Variants in ARVCF observed in about 807,000 individuals in gnomAD.
ARVCF encodes the protein splicing regulator ARVCF.
ARVCF carries 66 observed loss-of-function variants against 90.9 expected under a neutral mutation model. The ratio of observed to expected loss-of-function variants is 0.73; its 90% CI spans 0.60 to 0.89. The LOEUF (loss-of-function observed/expected upper bound fraction) is 0.89, where lower values mean the gene tolerates loss of function less well. Among genes scored for constraint, ARVCF ranks in the 40% least tolerant of loss-of-function variants. ARVCF has a pLI of 0.00. For synonymous variants in ARVCF, 653 were observed against 603.4 expected (o/e 1.08, Z -1.21); for missense variants, 1,469 against 1,382.3 (o/e 1.06, Z -1.00).
chr22:20,012,427 G>T (rs1944869873), intron 1 of ARVCF, among the ~76,000 whole-genome samples: 1 of 152,206 alleles, frequency 6.6e-6, no homozygotes, highest in Admixed American at 6.5e-5. Flanking sequence ...ACGGACAGAG[G>T]GACGACAGAC....
At position 19,973,052 on chromosome 22, in the gene ARVCF, C is replaced by A. The variant is rs371324320; in HGVS notation, c.2439-16G>T. The A allele has an allele frequency of 1.2e-6, 2 of 1,609,206 alleles. No individual in the cohort carries two copies. The highest frequency in any genetic ancestry group is 2.7e-5 in the African/African-American group (2 of 74,670). On this transcript the variant is annotated splice_polypyrimidine_tract_variant and intron_variant, in intron 14 of 19. Transcript: ENST00000263207. ...TACCGATTGGCTGTGGGGCCGGGGG[C>A]GGGGTCAGTGGTGGCCCCTCCCCCA...
chr22:19,973,909 C>T (rs1357854673), intron 12 of ARVCF, 116 bp from the exon 13 acceptor site: 7 of 1,495,928 alleles, frequency 4.7e-6, no homozygotes, highest in East Asian at 2.3e-5. Context: ...CAAAGCCCTA[C>T]CCCAAAAGCT....
rs1175411187 is a variant in ARVCF at position 19,981,077 on chromosome 22, G to GAGCCA, written c.896+129_896+133dup. 5 of 1,221,186 alleles carry GAGCCA rather than the reference G, an allele frequency of 4.1e-6. No homozygotes were observed. In the African/African-American group the frequency reaches 7.7e-5, roughly 19 times the overall value. The allele number at this position is 1,221,186 out of a possible 1,614,324, so 75.6% of individuals were successfully genotyped here. The stretch of plus-strand genomic sequence containing the variant: ...TCCACCTTTCTTCTGTCCCTGACGA[G>GAGCCA]AGCCAAGGCCAATTCAAACTAACAT... On this transcript the variant is annotated intron_variant, in intron 5 of 19. Transcript: ENST00000263207.
Position 19,971,208 on chromosome 22 carries a change from G to A in ARVCF, c.*12+8C>T. 6.4e-7 allele frequency: 1 copy of A among 1,551,978 alleles called. No homozygotes were observed. The highest frequency in any genetic ancestry group is 2.4e-5 in the East Asian group (1 of 40,988). On this transcript the variant is annotated splice_region_variant and intron_variant, in intron 19 of 19. Transcript: ENST00000263207. ...CAGGTGGACGAACAACCAGATGAGA[G>A]AACGTACCAGGCATGCAAGCTAGAC...
At chr22:19,980,426 A>T in intron 5 of ARVCF, 184 bp from the exon 6 acceptor site, 1 of 912,504 alleles carries the variant, frequency 1.1e-6, no homozygotes, top group South Asian at 3.2e-5. Flanking sequence ...AGTGAGAACC[A>T]ATTCAGAGCC....
chr22:19,998,576 G>A (rs943977550), intron 2 of ARVCF, among the ~76,000 whole-genome samples: 2 of 152,188 alleles, frequency 1.3e-5, no homozygotes, highest in African/African-American at 2.4e-5. Flanking sequence ...GCTGGGCAGA[G>A]ACAGCACCGA....
At chr22:19,975,407 CCTCTTA>C (rs1342882035) in intron 11 of ARVCF, among the ~76,000 whole-genome samples, 2 of 152,230 alleles carry the variant, frequency 1.3e-5, no homozygotes, top group African/African-American at 2.4e-5. Flanking sequence ...AACCTTCCCA[CCTCTTA>C]CGCACCGTGA....
chr22:19,996,506 T>C (rs1238648575), intron 2 of ARVCF, among the ~76,000 whole-genome samples: 1 of 152,220 alleles, frequency 6.6e-6, no homozygotes, highest in Non-Finnish European at 1.5e-5. Flanking sequence ...TTCTGTGCTT[T>C]TGTAATTTTC....
At chr22:20,000,566 G>A (rs1449350401) in intron 2 of ARVCF, among the ~76,000 whole-genome samples, 2 of 152,196 alleles carry the variant, frequency 1.3e-5, no homozygotes, top group Non-Finnish European at 2.9e-5. Context: ...CTACAAAGAG[G>A]TGGGAGAAGT....
intron 13 of ARVCF, 130 bp downstream of exon 13, chr22:19,973,513 G>C: frequency 6.9e-7 from 1 of 1,446,170 alleles, no homozygotes; most frequent in Non-Finnish European, 9.2e-7. Flanking sequence ...ACCTCCAGTT[G>C]GGACAGCGCC....
At chr22:20,008,289 G>C (rs1477710659) in intron 2 of ARVCF, among the ~76,000 whole-genome samples, 1 of 152,174 alleles carries the variant, frequency 6.6e-6, no homozygotes, top group African/African-American at 2.4e-5. Flanking sequence ...GCTGGTGCTG[G>C]TCTCTGAGAG....
At chr22:19,981,079 G>A in intron 5 of ARVCF, 132 bp downstream of exon 5, 1 of 1,243,094 alleles carries the variant, frequency 8.0e-7, no homozygotes, top group Non-Finnish European at 1.1e-6. Context: ...CCTGACGAGA[G>A]CCAAGGCCAA....
chr22:20,016,755 C>T lies in ARVCF; in HGVS notation c.-239G>A, dbSNP rs1243510499. 2 of 151,446 alleles carry T rather than the reference C, an allele frequency of 1.3e-5. No homozygotes were observed. Among genetic ancestry groups the T allele is most frequent in the South Asian group, 2.1e-4 (1 of 4,834 alleles). 9.4% of individuals were successfully genotyped at this position (151,446 alleles called of 1,614,324 possible). A position where few individuals can be genotyped will look rare whatever the true frequency, so the allele number is the denominator to read the frequency against. On this transcript the variant is annotated 5_prime_UTR_variant, in exon 1 of 20. Coordinates refer to ENST00000263207, the MANE Select transcript of ARVCF (RefSeq NM_001670.3). ...CTCGGACCGGTGCGGGGGCCGCCCCCTCCCTCCAGGCCCAGCGCGCAACCC... is the reference window on the plus strand; with the variant it reads ...CTCGGACCGGTGCGGGGGCCGCCCCTTCCCTCCAGGCCCAGCGCGCAACCC...
chr22:19,987,216 C>G (rs1206204172), intron 3 of ARVCF: 4 of 305,638 alleles, frequency 1.3e-5, no homozygotes, highest in Non-Finnish European at 2.4e-5. Flanking sequence ...GGGGGCGGAT[C>G]TGGCGGCGGT....
At position 19,970,265 on chromosome 22, in the gene ARVCF, G is replaced by A; in HGVS notation, c.*491C>T. 2.0e-6 allele frequency: 2 copies of A among 994,874 alleles called. No individual in the cohort carries two copies. Among genetic ancestry groups the A allele is most frequent in the East Asian group, 1.1e-4 (1 of 9,356 alleles). The allele number at this position is 994,874 out of a possible 1,614,324, so 61.6% of individuals were successfully genotyped here. A position where few individuals can be genotyped will look rare whatever the true frequency, so the allele number is the denominator to read the frequency against. ...GGCCTTGTGGGGCACCCCCCACACC[G>A]TGGTCTGCCTGCCTGCAGGGTGCCC... On this transcript the variant is annotated 3_prime_UTR_variant, in exon 20 of 20. Transcript: ENST00000263207.
intron 2 of ARVCF, among the ~76,000 whole-genome samples, chr22:20,008,752 A>C (rs1225787700): frequency 6.6e-6 from 1 of 152,224 alleles, no homozygotes; most frequent in African/African-American, 2.4e-5. Flanking sequence ...GAGATGGCAC[A>C]AATGCCATCA....
Position 19,990,751 on chromosome 22 carries a change from G to A in ARVCF, c.44C>T (p.Ser15Leu), listed in dbSNP as rs752933705. 7.6e-6 allele frequency: 12 copies of A among 1,588,770 alleles called. No homozygotes were observed. Among genetic ancestry groups the A allele is most frequent in the South Asian group, 4.5e-5 (4 of 87,984 alleles). Residue 15 changes from serine (S) to leucine (L), a missense_variant, in exon 3 of 20, where the codon TCG becomes TTG. Transcript: ENST00000263207. ...NVHSAASILA[S>L]VKEQEARFER... is the part of the protein sequence containing the mutation. ...GAAGCGGGCCTCCTGCTCCTTCACC[G>A]AGGCCAGGATGCTGGCGGCCGAGTG... is the stretch of plus-strand genomic sequence containing the variant.
At position 19,970,594 on chromosome 22, in the gene ARVCF, G is replaced by GC; in HGVS notation, c.*161dup. 1.0e-4 allele frequency: 53 copies of GC among 524,850 alleles called. No individual in the cohort carries two copies. The highest frequency in any genetic ancestry group is 1.5e-4 in the Non-Finnish European group (49 of 316,726). 32.5% of individuals were successfully genotyped at this position (524,850 alleles called of 1,614,324 possible). On this transcript the variant is annotated 3_prime_UTR_variant, in exon 20 of 20. Transcript: ENST00000263207. ...AGGATGGGGGGAGTGGGGTGGGGGG[G>GC]CAGGAGGGTGTCCCCAAAGTCAGGC...
chr22:19,995,371 G>A (rs903390382), intron 2 of ARVCF, among the ~76,000 whole-genome samples: 1 of 151,496 alleles, frequency 6.6e-6, no homozygotes, highest in Non-Finnish European at 1.5e-5. Context: ...AACAGAGTGC[G>A]ATGCATGAAT....
Sources: allele counts gnomAD v4.1 joint callset (sites outside exome capture counted in the v4.1 genomes callset), GRCh38; gene constraint gnomAD v4.1.1; transcripts MANE v1.5; gene names NCBI Gene and HGNC (gene_info 2026-07-23, HGNC 2026-07-21).